MCPH1: variants seen among roughly 807,000 people sequenced by gnomAD.
MCPH1 encodes the protein microcephalin 1, also known as microcephalin.
A neutral mutation model predicts 84.5 loss-of-function variants in MCPH1; 104 were observed. The ratio of observed to expected loss-of-function variants is 1.23; its 90% CI spans 1.05 to 1.45. The LOEUF is 1.45. MCPH1 is among the 40% of genes most tolerant of loss of function. The pLI, the probability that MCPH1 is intolerant of heterozygous loss-of-function variation, is 0.00. For synonymous variants in MCPH1, 514 were observed against 366.8 expected, an observed-to-expected ratio of 1.40 and a Z score of -4.58; for missense variants, 1,498 against 1,005.7, an observed-to-expected ratio of 1.49 and a Z score of -6.62.
In MCPH1 at chr8:6,646,058, A is replaced by G. The variant is rs1798202996; in HGVS notation, c.*3009A>G. ...AATGCAAAGAACCTCTAGTAGACAA[A>G]ACAATTTTTTTAAGAGCAAAGTTGG... On this transcript the variant is annotated 3_prime_UTR_variant, in exon 14 of 14. Transcript: ENST00000344683. 6.6e-6 allele frequency: 1 copy of G among 152,238 alleles called. No homozygotes were observed. The highest frequency in any genetic ancestry group is 1.5e-5 in the Non-Finnish European group (1 of 68,046). The allele number at this position is 152,238 out of a possible 1,614,324, so 9.4% of individuals were successfully genotyped here. A position where few individuals can be genotyped will look rare whatever the true frequency, so the allele number is the denominator to read the frequency against.
intron 3 of MCPH1, among the ~76,000 whole-genome samples, chr8:6,416,936 G>T (rs147266380): frequency 1.3e-5 from 2 of 151,866 alleles, no homozygotes; most frequent in African/African-American, 4.8e-5. Flanking sequence ...GGAGGTTGCA[G>T]TGAACCAAGA....
intron 12 of MCPH1, among the ~76,000 whole-genome samples, chr8:6,605,750 T>C (rs556905968): frequency 6.6e-6 from 1 of 152,076 alleles, no homozygotes; most frequent in Admixed American, 6.6e-5. Flanking sequence ...CAGGCTGGAG[T>C]GCAGTGGCAC....
intron 3 of MCPH1, among the ~76,000 whole-genome samples, chr8:6,425,114 G>A (rs1800863057): frequency 6.6e-6 from 1 of 152,184 alleles, no homozygotes; most frequent in African/African-American, 2.4e-5. Flanking sequence ...CGACCTAGCA[G>A]GTGTACTGTG....
At chr8:6,562,682 T>C in intron 12 of MCPH1, 1 of 1,603,630 alleles carries the variant, frequency 6.2e-7, no homozygotes, top group African/African-American at 1.3e-5. Flanking sequence ...TCCATGATGT[T>C]CTCCAGCACT....
chr8:6,617,837 G>T (rs551746316), intron 12 of MCPH1, among the ~76,000 whole-genome samples: 24 of 151,924 alleles, frequency 1.6e-4, no homozygotes, highest in African/African-American at 5.6e-4. Context: ...ACACCATGCC[G>T]GGCTTGCTTA....
At position 6,480,736 on chromosome 8, in the gene MCPH1, G is replaced by C; in HGVS notation, c.1996G>C (p.Val666Leu). The change falls in exon 11 of 14, where the codon GTT becomes CTT. Residue 666 changes from valine to leucine, a missense_variant. By Grantham distance (32) the Val-to-Leu change is conservative (BLOSUM62 1). Transcript: ENST00000344683. Reference sequence around the variant, plus strand: ...CAGAAAGCAGAATGTCGTCATCCAGGTTGTGGATAAATTGAAAGGCTTTTC... The same window carrying C: ...CAGAAAGCAGAATGTCGTCATCCAGCTTGTGGATAAATTGAAAGGCTTTTC... ...PSEKQNVVIQ[V>L]VDKLKGFSIA... 2 of 1,614,172 alleles carry C rather than the reference G, an allele frequency of 1.2e-6. No homozygotes were observed. The highest frequency in any genetic ancestry group is 8.5e-7 in the Non-Finnish European group (1 of 1,180,032).
intron 12 of MCPH1, among the ~76,000 whole-genome samples, chr8:6,542,355 A>G (rs1821764604): frequency 6.6e-6 from 1 of 151,800 alleles, no homozygotes; most frequent in African/African-American, 2.4e-5. Flanking sequence ...TCAGTTCTCT[A>G]AGAAACAGAC....
At chr8:6,548,372 C>T (rs1255225322) in intron 12 of MCPH1, among the ~76,000 whole-genome samples, 1 of 152,190 alleles carries the variant, frequency 6.6e-6, no homozygotes, top group Non-Finnish European at 1.5e-5. Context: ...CCATGCTAGC[C>T]TAGGAAATTT....
At chr8:6,628,025 T>C (rs988047591) in intron 13 of MCPH1, among the ~76,000 whole-genome samples, 15 of 152,296 alleles carry the variant, frequency 9.8e-5, no homozygotes, top group African/African-American at 3.4e-4. Context: ...AATGAATTTC[T>C]AAGCACTCCC....
chr8:6,610,800 C>A (rs960195717), intron 12 of MCPH1, among the ~76,000 whole-genome samples: 1 of 152,068 alleles, frequency 6.6e-6, no homozygotes, highest in East Asian at 1.9e-4. Flanking sequence ...ATGCCCATTT[C>A]CTTAAAACTA....
At chr8:6,620,576 C>G (rs1394609037) in intron 12 of MCPH1, among the ~76,000 whole-genome samples, 2 of 152,138 alleles carry the variant, frequency 1.3e-5, no homozygotes, top group Non-Finnish European at 2.9e-5. Flanking sequence ...AAATACATCC[C>G]CTCAAATCTC....
At chr8:6,576,628 C>A (rs535604686) in intron 12 of MCPH1, among the ~76,000 whole-genome samples, 2 of 146,774 alleles carry the variant, frequency 1.4e-5, no homozygotes, top group South Asian at 4.4e-4. Flanking sequence ...CTGCCTCAGC[C>A]TTCTGAGTAG....
At chr8:6,465,437 A>G (rs2129557871) in intron 9 of MCPH1, among the ~76,000 whole-genome samples, 1 of 152,312 alleles carries the variant, frequency 6.6e-6, no homozygotes, top group Admixed American at 6.5e-5. Flanking sequence ...GTCTCAGCAC[A>G]TCACCGGTAT....
At chr8:6,425,502 A>C (rs1585676369) in intron 3 of MCPH1, among the ~76,000 whole-genome samples, 2 of 152,190 alleles carry the variant, frequency 1.3e-5, no homozygotes, top group African/African-American at 4.8e-5. Context: ...TTACTTCTTC[A>C]TAGTGAGTGA....
intron 7 of MCPH1, among the ~76,000 whole-genome samples, chr8:6,444,166 C>T (rs906896535): frequency 4.6e-5 from 7 of 152,094 alleles, no homozygotes; most frequent in Non-Finnish European, 7.4e-5. Flanking sequence ...TACACCTCTT[C>T]TCTATCCCCA....
chr8:6,433,162 T>C (rs1459889760), intron 4 of MCPH1, among the ~76,000 whole-genome samples: 1 of 152,230 alleles, frequency 6.6e-6, no homozygotes, highest in African/African-American at 2.4e-5. Context: ...GCATTATACA[T>C]TGTGACTGTT....
chr8:6,411,388 A>T lies in MCPH1; in HGVS notation c.114+2018A>T, dbSNP rs1474992799. On this transcript the variant is annotated intron_variant, in intron 2 of 13. Coordinates refer to ENST00000344683, the MANE Select transcript of MCPH1 (RefSeq NM_024596.5). ...AATAAATAACAAAAAGCAAGTGACC[A>T]AAAGCAAGCAAGGCAGGTTAAATTT... Among the ~76,000 whole-genome samples, 5 of 152,254 alleles carry T rather than the reference A, an allele frequency of 3.3e-5. No individual in the cohort carries two copies. The East Asian group carries it at 5.8e-4, about 18-fold the overall frequency.
intron 12 of MCPH1, among the ~76,000 whole-genome samples, chr8:6,554,508 T>C (rs1824243181): frequency 6.6e-6 from 1 of 152,194 alleles, no homozygotes; most frequent in Admixed American, 6.5e-5. Flanking sequence ...AAAAGCTCCA[T>C]TGTCCATAAA....
At chr8:6,464,357 C>T (rs1000226241) in intron 9 of MCPH1, among the ~76,000 whole-genome samples, 2 of 152,200 alleles carry the variant, frequency 1.3e-5, no homozygotes, top group African/African-American at 2.4e-5. Flanking sequence ...GATAGCCTAA[C>T]AGTTGCTTTC....
Sources: gnomAD v4.1 joint callset for allele counts (sites outside exome capture counted in the v4.1 genomes callset) on GRCh38, gnomAD v4.1.1 for gene constraint, MANE v1.5 for transcripts, NCBI Gene and HGNC (gene_info 2026-07-23, HGNC 2026-07-21) for gene names.